The following RB1CC1 variants were observed in gnomAD, a reference collection of about 807,000 sequenced individuals.
The protein encoded by RB1CC1 is RB1 inducible coiled-coil 1.
RB1CC1 carries 46 observed loss-of-function variants against 177.5 expected under a neutral mutation model. The ratio of observed to expected loss-of-function variants is 0.26; its 90% CI spans 0.20 to 0.33. The LOEUF is 0.33. RB1CC1 is among the 10% of genes least tolerant of loss of function. The probability of loss-of-function intolerance (pLI) is 1.00; values close to 1 mark genes in which losing one functional copy is unlikely to be tolerated. For synonymous variants in RB1CC1, 666 were observed against 613.6 expected, an observed-to-expected ratio of 1.09 and a Z score of -1.26; for missense variants, 1,703 against 1,816.3, an observed-to-expected ratio of 0.94 and a Z score of 1.13.
chr8:52,690,441 A>G (rs183324292), intron 1 of RB1CC1, among the ~76,000 whole-genome samples: 4 of 152,358 alleles, frequency 2.6e-5, no homozygotes, highest in Admixed American at 2.6e-4. Flanking sequence ...GCATTAAACA[A>G]GAACAAAGCA....
At chr8:52,645,465 CT>C (rs1849933757) in intron 16 of RB1CC1, among the ~76,000 whole-genome samples, 1 of 151,996 alleles carries the variant, frequency 6.6e-6, no homozygotes, top group African/African-American at 2.4e-5. Context: ...TTTGAAGCAC[CT>C]GGTATTGTCA....
At chr8:52,628,276 C>A in intron 21 of RB1CC1, 108 bp from the exon 22 acceptor site, 3 of 1,121,974 alleles carry the variant, frequency 2.7e-6, no homozygotes, top group Non-Finnish European at 3.8e-6. Context: ...GATATTAATG[C>A]AATATTAAAT....
At position 52,645,727 on chromosome 8, in the gene RB1CC1, C is replaced by A; in HGVS notation, c.3962G>T (p.Arg1321Leu). ...CTGTTGTTCCGCAATCAAAGATGTT[C>A]GAACATTTTGCATTTCTTCATTCTT... is the stretch of plus-strand genomic sequence containing the variant. ...KRKNEEMQNV[R>L]TSLIAEQQTN... Residue 1321 changes from arginine (R) to leucine (L), a missense_variant, in exon 16 of 24, where the codon CGA becomes CTA. This residue lies in a region of RB1CC1 where 1,169 missense variants were observed against 1,184.7 expected (regional missense o/e 0.99). Transcript: ENST00000025008. 15 of 1,612,680 alleles carry A rather than the reference C, an allele frequency of 9.3e-6. No homozygotes were observed. The highest frequency in any genetic ancestry group is 1.2e-5 in the Non-Finnish European group (14 of 1,179,480).
chr8:52,698,794 G>C (rs1202185922), intron 1 of RB1CC1, among the ~76,000 whole-genome samples: 3 of 142,882 alleles, frequency 2.1e-5, no homozygotes, highest in African/African-American at 7.8e-5. Flanking sequence ...GAATTCAAGT[G>C]ATTCTCCTGC....
Position 52,668,039 on chromosome 8 carries a change from T to C in RB1CC1, c.1155A>G (p.Glu385=). 6.2e-7 allele frequency: 1 copy of C among 1,613,756 alleles called. No homozygotes were observed. Among genetic ancestry groups the C allele is most frequent in the Non-Finnish European group, 8.5e-7 (1 of 1,179,838 alleles). Residue 385 remains glutamate (E), a synonymous_variant, in exon 8 of 24, where the codon GAA becomes GAG. Transcript: ENST00000025008. ...MIASCGRLVN[E]QKELAQGFLA... is the part of the protein sequence containing the mutation. Reference sequence around the variant, plus strand: ...TAGGTACCTGAGCAAGCTCTTTCTGTTCATTCACCAGTCGGCCACAGCTAG... The same window carrying C: ...TAGGTACCTGAGCAAGCTCTTTCTGCTCATTCACCAGTCGGCCACAGCTAG...
At chr8:52,666,923 G>C (rs2150525005) in intron 8 of RB1CC1, among the ~76,000 whole-genome samples, 1 of 152,328 alleles carries the variant, frequency 6.6e-6, no homozygotes, top group Non-Finnish European at 1.5e-5. Flanking sequence ...CACTGAAAGA[G>C]AAGGAAAAGC....
At chr8:52,706,527 T>C (rs1004302359) in intron 1 of RB1CC1, among the ~76,000 whole-genome samples, 5 of 151,378 alleles carry the variant, frequency 3.3e-5, no homozygotes, top group African/African-American at 1.2e-4. Flanking sequence ...GGTCAGGAGA[T>C]TGAGACCATC....
At chr8:52,679,701 T>C (rs759289605) in intron 5 of RB1CC1, among the ~76,000 whole-genome samples, 27 of 152,188 alleles carry the variant, frequency 1.8e-4, no homozygotes, top group Admixed American at 3.3e-4. Flanking sequence ...TTGTGACCTG[T>C]CTCACGATAA....
intron 15 of RB1CC1, among the ~76,000 whole-genome samples, chr8:52,647,058 A>T (rs1850113181): frequency 1.3e-5 from 2 of 152,172 alleles, no homozygotes; most frequent in Admixed American, 1.3e-4. Flanking sequence ...TGTATTTAAA[A>T]TGTTCACTCT....
chr8:52,701,785 C>A (rs1015032369), intron 1 of RB1CC1, among the ~76,000 whole-genome samples: 3 of 149,854 alleles, frequency 2.0e-5, no homozygotes, highest in Non-Finnish European at 4.4e-5. Flanking sequence ...CCACTAAAGT[C>A]TTCTTTGAAA....
intron 1 of RB1CC1, among the ~76,000 whole-genome samples, chr8:52,708,061 A>G (rs1248207315): frequency 6.6e-6 from 1 of 152,206 alleles, no homozygotes; most frequent in Non-Finnish European, 1.5e-5. Context: ...TATGACTTTA[A>G]TTAAACTCCA....
At chr8:52,659,312 G>GTA (rs535162312) in intron 12 of RB1CC1, among the ~76,000 whole-genome samples, 3 of 151,900 alleles carry the variant, frequency 2.0e-5, no homozygotes, top group Admixed American at 6.6e-5. Flanking sequence ...AAGTGTGTGC[G>GTA]TATATATATA....
intron 18 of RB1CC1, among the ~76,000 whole-genome samples, chr8:52,641,170 G>A (rs184007222): frequency 4.0e-5 from 6 of 151,894 alleles, no homozygotes; most frequent in Non-Finnish European, 7.4e-5. Context: ...GATCACCTGA[G>A]GTCAGGAGTT....
chr8:52,636,109 A>C (rs755044175), intron 18 of RB1CC1, 40 bp from the exon 19 acceptor site: 1 of 1,572,174 alleles, frequency 6.4e-7, no homozygotes, highest in East Asian at 2.3e-5. Context: ...TGAAATTCTA[A>C]ACTTTACATT....
intron 7 of RB1CC1, among the ~76,000 whole-genome samples, chr8:52,669,841 A>G (rs1023902663): frequency 6.6e-6 from 1 of 152,222 alleles, no homozygotes; most frequent in South Asian, 2.1e-4. Context: ...TAAACCAAAA[A>G]CAAGGGCTCC....
At chr8:52,686,789 C>G (rs1368822248) in intron 2 of RB1CC1, 64 bp downstream of exon 2, 2 of 337,886 alleles carry the variant, frequency 5.9e-6, no homozygotes, top group Non-Finnish European at 5.8e-6. Context: ...ATTAAGATTT[C>G]CAGAATCATT....
Position 52,685,540 on chromosome 8 carries a change from T to C in RB1CC1, c.-51-20A>G. ...CAGTTACTAGAAGAAACAAGAGAAG[T>C]GATCAATTTTACAAATGCAACTACA... is the stretch of plus-strand genomic sequence containing the variant. On this transcript the variant is annotated intron_variant, in intron 2 of 23. Transcript: ENST00000025008. The C allele has an allele frequency of 1.1e-6, 1 of 939,660 alleles. No individual in the cohort carries two copies. 58.2% of individuals were successfully genotyped at this position (939,660 alleles called of 1,614,324 possible). A position where few individuals can be genotyped will look rare whatever the true frequency, so the allele number is the denominator to read the frequency against.
intron 8 of RB1CC1, among the ~76,000 whole-genome samples, chr8:52,663,006 T>C (rs1293618282): frequency 6.6e-6 from 1 of 152,116 alleles, no homozygotes; most frequent in African/African-American, 2.4e-5. Flanking sequence ...GTAAGTACTG[T>C]ATTGCTAAAA....
At chr8:52,658,790 T>C in intron 13 of RB1CC1, 83 bp downstream of exon 13, 2 of 913,706 alleles carry the variant, frequency 2.2e-6, no homozygotes, top group Admixed American at 6.5e-5. Flanking sequence ...CCTCTTAAGA[T>C]TACTGGTACT....
Sources: gnomAD v4.1 joint callset for allele counts (sites outside exome capture counted in the v4.1 genomes callset) on GRCh38, gnomAD v4.1.1 for gene constraint, gnomAD v4.1.1 regional missense constraint, MANE v1.5 for transcripts, NCBI Gene and HGNC (gene_info 2026-07-23, HGNC 2026-07-21) for gene names.